Variants in MTUS2 observed in about 807,000 individuals in gnomAD.
MTUS2 encodes microtubule associated scaffold protein 2, also known as microtubule-associated tumor suppressor candidate 2.
A neutral mutation model predicts 114.1 loss-of-function variants in MTUS2; 40 were observed. The observed-to-expected ratio is 0.35, with a 90% CI of 0.27 to 0.46. The LOEUF is 0.46. MTUS2 is among the 20% of genes least tolerant of loss of function. The probability of loss-of-function intolerance (pLI) is 1.00; values close to 1 mark genes in which losing one functional copy is unlikely to be tolerated. For synonymous variants in MTUS2, 688 were observed against 672.0 expected, an observed-to-expected ratio of 1.02 and a Z score of -0.37; for missense variants, 1,679 against 1,705.4, an observed-to-expected ratio of 0.98 and a Z score of 0.27.
Position 28,899,449 on chromosome 13 carries a change from G to A in MTUS2, c.-243+59599G>A, listed in dbSNP as rs1006706632. Among the ~76,000 whole-genome samples, 67 of 152,036 alleles carry A rather than the reference G, an allele frequency of 4.4e-4. 1 individual carries two copies. Among genetic ancestry groups the A allele is most frequent in the East Asian group, 1.9e-4 (1 of 5,182 alleles). ...TTTTGAGACATAGTCTCACTCTGTC[G>A]CCCAGGCTGGAGTGCAGTGGCGTGA... On this transcript the variant is annotated intron_variant, in intron 2 of 15. Transcript: ENST00000612955.
intron 1 of MTUS2, among the ~76,000 whole-genome samples, chr13:28,823,323 G>C (rs1232443515): frequency 6.6e-6 from 1 of 152,210 alleles, no homozygotes; most frequent in Non-Finnish European, 1.5e-5. Flanking sequence ...CCCATTAGCA[G>C]TTTTTATGAG....
rs187032906 is a variant in MTUS2, at chr13:29,386,898, G to A, written c.3117+27425G>A. On this transcript the variant is annotated intron_variant, in intron 8 of 15. Transcript: ENST00000612955. Reference sequence around the variant, plus strand: ...GATAAGGCCTGCTCTTTCCACTCACGGAGGGGAGGGGTTCAAAGGCAATTC... The same window carrying A: ...GATAAGGCCTGCTCTTTCCACTCACAGAGGGGAGGGGTTCAAAGGCAATTC... Among the ~76,000 whole-genome samples, 59 of 152,294 alleles carry A rather than the reference G, an allele frequency of 3.9e-4. No individual in the cohort carries two copies. In the East Asian group the frequency reaches 0.01, roughly 26 times the overall value.
Position 29,314,863 on chromosome 13 carries a change from T to C in MTUS2, c.2807-9750T>C, listed in dbSNP as rs545529763. On this transcript the variant is annotated intron_variant, in intron 6 of 15. Coordinates refer to ENST00000612955, the MANE Select transcript of MTUS2 (RefSeq NM_001033602.4). ...AAAGGAGATCAGAACATTGTAGAGG[T>C]ATCTGGACTCTTGTGTTTATTGCAA... is the stretch of plus-strand genomic sequence containing the variant. Among the ~76,000 whole-genome samples, 8 of 152,314 alleles carry C rather than the reference T, an allele frequency of 5.3e-5. No homozygotes were observed. In the East Asian group the frequency reaches 1.5e-3, roughly 29 times the overall value.
chr13:29,074,495 C>T (rs1333367121), intron 4 of MTUS2, among the ~76,000 whole-genome samples: 5 of 152,142 alleles, frequency 3.3e-5, no homozygotes, highest in African/African-American at 9.7e-5. Context: ...TGTCATGGCA[C>T]GCGGTGTACA....
chr13:29,383,730 G>T (rs1185100385), intron 8 of MTUS2, among the ~76,000 whole-genome samples: 2 of 144,316 alleles, frequency 1.4e-5, no homozygotes, highest in East Asian at 4.2e-4. Context: ...ATCTCTCTCT[G>T]CCAAGAGCAC....
At chr13:28,898,741 G>T (rs1266215391) in intron 2 of MTUS2, among the ~76,000 whole-genome samples, 2 of 152,146 alleles carry the variant, frequency 1.3e-5, no homozygotes, top group Non-Finnish European at 2.9e-5. Flanking sequence ...AGAAATCATT[G>T]TGGAGACATT....
Position 29,481,003 on chromosome 13 carries a change from G to C in MTUS2, c.3399+639G>C, listed in dbSNP as rs113109524. Reference sequence around the variant, plus strand: ...GTTCAATAATTTGCCAGAATTCACAGAGCTGGCCATGGAAAAGCCAGGGTT... The same window carrying C: ...GTTCAATAATTTGCCAGAATTCACACAGCTGGCCATGGAAAAGCCAGGGTT... On this transcript the variant is annotated intron_variant, in intron 10 of 15. Transcript: ENST00000612955. Among the ~76,000 whole-genome samples the C allele has an allele frequency of 2.4e-3, 372 of 152,258 alleles. 2 individuals are homozygous for C. The highest frequency in any genetic ancestry group is 8.5e-3 in the African/African-American group (353 of 41,540).
Position 28,895,410 on chromosome 13 carries a change from G to A in MTUS2, c.-243+55560G>A, listed in dbSNP as rs143467775. 8.1e-4 allele frequency among the ~76,000 whole-genome samples: 123 copies of A among 152,280 alleles called. 1 individual carries two copies. In the East Asian group the frequency reaches 0.02, roughly 25 times the overall value. Reference sequence around the variant, plus strand: ...AGGATGTAGAAAACTATTTTGAGGAGTTCTGTAAGTCAAAAAAATTATAGT... The same window carrying A: ...AGGATGTAGAAAACTATTTTGAGGAATTCTGTAAGTCAAAAAAATTATAGT... On this transcript the variant is annotated intron_variant, in intron 2 of 15. Coordinates refer to ENST00000612955, the MANE Select transcript of MTUS2 (RefSeq NM_001033602.4).
chr13:29,484,047 G>A (rs150884762), intron 10 of MTUS2: 1 of 152,318 alleles, frequency 6.6e-6, no homozygotes, highest in African/African-American at 2.4e-5. Context: ...TTGCTCCAGA[G>A]CCACTCACTT....
intron 2 of MTUS2, among the ~76,000 whole-genome samples, chr13:28,999,724 C>T (rs1306169592): frequency 2.6e-5 from 4 of 152,064 alleles, no homozygotes; most frequent in Non-Finnish European, 2.9e-5. Context: ...GAACTTATTC[C>T]TCCTAACTGT....
intron 5 of MTUS2, among the ~76,000 whole-genome samples, chr13:29,224,915 T>C (rs1448086262): frequency 6.6e-6 from 1 of 152,172 alleles, no homozygotes; most frequent in Non-Finnish European, 1.5e-5. Flanking sequence ...TGTCCAATGA[T>C]GATATTATTA....
chr13:29,486,280 C>G (rs1241227370), intron 10 of MTUS2, among the ~76,000 whole-genome samples: 1 of 152,194 alleles, frequency 6.6e-6, no homozygotes, highest in African/African-American at 2.4e-5. Context: ...AGGTTTTGCT[C>G]AGTGATATTT....
intron 7 of MTUS2, among the ~76,000 whole-genome samples, chr13:29,335,995 T>C (rs555893600): frequency 9.2e-5 from 14 of 152,336 alleles, no homozygotes; most frequent in Admixed American, 3.9e-4. Context: ...GAAACTTGTG[T>C]GTTTCATGAA....
At chr13:29,167,828 A>G (rs1893383057) in intron 5 of MTUS2, among the ~76,000 whole-genome samples, 1 of 152,094 alleles carries the variant, frequency 6.6e-6, no homozygotes, top group Admixed American at 6.5e-5. Context: ...AATCCTCCAA[A>G]ATCTGAAACA....
chr13:29,083,724 G>T (rs970975195), intron 4 of MTUS2, among the ~76,000 whole-genome samples: 1 of 152,146 alleles, frequency 6.6e-6, no homozygotes, highest in African/African-American at 2.4e-5. Context: ...TTCAGTACTT[G>T]TAAGTTTCTG....
intron 5 of MTUS2, among the ~76,000 whole-genome samples, chr13:29,153,411 G>C (rs1291677247): frequency 6.6e-6 from 1 of 152,192 alleles, no homozygotes; most frequent in African/African-American, 2.4e-5. Flanking sequence ...CTGGCTGCCT[G>C]GCACAACCCC....
At chr13:29,473,191 A>G (rs576397952) in intron 9 of MTUS2, among the ~76,000 whole-genome samples, 5 of 152,224 alleles carry the variant, frequency 3.3e-5, no homozygotes, top group African/African-American at 7.2e-5. Flanking sequence ...TTGGTTCATC[A>G]TTTATTTTAT....
At chr13:29,078,200 T>A (rs1249552618) in intron 4 of MTUS2, among the ~76,000 whole-genome samples, 2 of 152,198 alleles carry the variant, frequency 1.3e-5, no homozygotes, top group African/African-American at 4.8e-5. Flanking sequence ...GATCTTAGGT[T>A]TTTATTAAAA....
chr13:29,318,381 A>ATTTCTTTTTCTTTTTTTTTT (rs1900102829), intron 6 of MTUS2, among the ~76,000 whole-genome samples: 1 of 58,546 alleles, frequency 1.7e-5, no homozygotes, highest in African/African-American at 6.1e-5. Context: ...ATCATTTGTT[A>ATTTCTTTTTCTTTTTTTTTT]TTTCTTTTTC....
Sources: gnomAD v4.1 joint callset for allele counts (sites outside exome capture counted in the v4.1 genomes callset) on GRCh38, gnomAD v4.1.1 for gene constraint, MANE v1.5 for transcripts, NCBI Gene and HGNC (gene_info 2026-07-23, HGNC 2026-07-21) for gene names.